VNN2: variants seen among roughly 807,000 people sequenced by gnomAD.
VNN2 encodes vanin 2, also known as pantetheine hydrolase VNN2.
A neutral mutation model predicts 43.0 loss-of-function variants in VNN2; 43 were observed. That is an observed-to-expected ratio of 1.00 (90% CI 0.78 to 1.29). VNN2 has a LOEUF of 1.29. Ranked by LOEUF, VNN2 falls within the 50% of genes most tolerant of loss-of-function variation. VNN2 has a pLI of 0.00. For synonymous variants in VNN2, 230 were observed against 224.3 expected (o/e 1.03, Z -0.23); for missense variants, 652 against 619.7 (o/e 1.05, Z -0.55).
chr6:132,759,640 G>A (rs1276169958), upstream of VNN2, among the ~76,000 whole-genome samples: 1 of 152,010 alleles, frequency 6.6e-6, no homozygotes, highest in East Asian at 1.9e-4. Context: ...ATTAAACAAA[G>A]TTTATTCTGT....
chr6:132,751,025 G>T, intron 5 of VNN2, 120 bp downstream of exon 5: 1 of 1,189,452 alleles, frequency 8.4e-7, no homozygotes, highest in Non-Finnish European at 1.2e-6. Flanking sequence ...GTGTGTGTGT[G>T]TTGCCATCAA....
At chr6:132,760,244 G>A (rs1257075958), upstream of VNN2, among the ~76,000 whole-genome samples, 1 of 151,994 alleles carries the variant, frequency 6.6e-6, no homozygotes, top group African/African-American at 2.4e-5. Context: ...GTATGATCAT[G>A]GCTCACTTCA....
chr6:132,762,280 A>C (rs893955712), upstream of VNN2, among the ~76,000 whole-genome samples: 4 of 152,182 alleles, frequency 2.6e-5, no homozygotes, highest in African/African-American at 9.7e-5. Context: ...CCTTCTCCTG[A>C]ATGCAAAATG....
intron 6 of VNN2, among the ~76,000 whole-genome samples, chr6:132,745,953 A>G (rs1263611727): frequency 6.6e-6 from 1 of 152,226 alleles, no homozygotes; most frequent in Non-Finnish European, 1.5e-5. Flanking sequence ...AGGAAAACAG[A>G]TGCTTTACAA....
intron 3 of VNN2, among the ~76,000 whole-genome samples, chr6:132,755,607 T>C (rs1165686074): frequency 6.6e-6 from 1 of 152,136 alleles, no homozygotes; most frequent in Non-Finnish European, 1.5e-5. Context: ...ATTCCTGGCC[T>C]CAAGTGATCC....
intron 3 of VNN2, among the ~76,000 whole-genome samples, chr6:132,755,073 G>A (rs1780369777): frequency 6.6e-6 from 1 of 152,128 alleles, no homozygotes; most frequent in Non-Finnish European, 1.5e-5. Context: ...GGGAGGCTGA[G>A]GCAGGAGGAT....
At chr6:132,755,501 A>C (rs1337386574) in intron 3 of VNN2, among the ~76,000 whole-genome samples, 4 of 150,322 alleles carry the variant, frequency 2.7e-5, no homozygotes, top group African/African-American at 9.8e-5. Context: ...CAGCTCCCAC[A>C]TAGCTGGGAC....
intron 3 of VNN2, 87 bp downstream of exon 3, chr6:132,755,756 C>G: frequency 7.5e-7 from 1 of 1,332,562 alleles, no homozygotes; most frequent in Admixed American, 2.4e-5. Context: ...AATATTGTAT[C>G]ATATAGGGAA....
rs1308165699 is a variant in VNN2, at chr6:132,752,610, T to A, written c.677A>T (p.Asp226Val). The part of the protein sequence containing the change: ...FYDPGVTLVK[D>V]FHVDTILFPT... ...AAACAGTATGGTGTCCACATGGAAA[T>A]CTTTCACCAGGGTAACACCAGGATC... Residue 226 changes from aspartate to valine, a missense_variant, in exon 4 of 7, where the codon GAT becomes GTT. By Grantham distance (152) the Asp-to-Val change is radical. Transcript: ENST00000326499. 1.2e-6 allele frequency: 2 copies of A among 1,614,130 alleles called. No individual in the cohort carries two copies. The highest frequency in any genetic ancestry group is 1.7e-6 in the Non-Finnish European group (2 of 1,180,026).
At chr6:132,748,924 C>T (rs1779885395) in intron 6 of VNN2, among the ~76,000 whole-genome samples, 2 of 151,920 alleles carry the variant, frequency 1.3e-5, no homozygotes, top group South Asian at 4.1e-4. Context: ...GAGCAAGACT[C>T]TGTTTAAAAA....
chr6:132,758,003 C>CTTCTTCTTCTTCTTCTTTTTT, upstream of VNN2: 2 of 137,324 alleles, frequency 1.5e-5, no homozygotes, highest in African/African-American at 3.2e-4. Flanking sequence ...CATCATTTTT[C>CTTCTTCTTCTTCTTCTTTTTT]TTCTTCTTCT....
At chr6:132,757,981 C>A, upstream of VNN2, 1 of 731,104 alleles carries the variant, frequency 1.4e-6, no homozygotes, top group Non-Finnish European at 1.9e-6. Flanking sequence ...AGTTACTGGC[C>A]TTTTACTTTA....
At chr6:132,756,111 T>A (rs866534335) in intron 2 of VNN2, 76 bp from the exon 3 acceptor site, 2 of 1,334,364 alleles carry the variant, frequency 1.5e-6, no homozygotes, top group South Asian at 1.6e-5. Context: ...CGATAGCAAC[T>A]GTAACCACTT....
At chr6:132,761,152 G>T (rs1780728924), upstream of VNN2, among the ~76,000 whole-genome samples, 1 of 152,094 alleles carries the variant, frequency 6.6e-6, no homozygotes, top group Non-Finnish European at 1.5e-5. Flanking sequence ...TCATAAAGAT[G>T]ATTGATCAGG....
Position 132,744,422 on chromosome 6 carries a change from C to CAAAGA in VNN2, c.1436_1440dup (p.Gly481SerfsTer22). The CAAAGA allele has an allele frequency of 6.2e-7, 1 of 1,613,460 alleles. No homozygotes were observed. Among genetic ancestry groups the CAAAGA allele is most frequent in the Non-Finnish European group, 8.5e-7 (1 of 1,179,762 alleles). Reference sequence around the variant, plus strand: ...AGTGAGTCCTTTGTGTACCACCTCCCAAAGAGTGACACTGTTAGTATAGGC... The same window carrying CAAAGA: ...AGTGAGTCCTTTGTGTACCACCTCCCAAAGAAAAGAGTGACACTGTTAGTATAGGC... On this transcript the variant is annotated frameshift_variant, in exon 7 of 7. Coordinates refer to ENST00000326499, the MANE Select transcript of VNN2 (RefSeq NM_004665.6). LOFTEE classifies it low-confidence loss of function (END_TRUNC).
intron 3 of VNN2, among the ~76,000 whole-genome samples, chr6:132,754,985 G>A (rs1780364750): frequency 6.6e-6 from 1 of 152,134 alleles, no homozygotes; most frequent in African/African-American, 2.4e-5. Flanking sequence ...GACAGCCTGG[G>A]CAATGTAGTG....
At chr6:132,749,934 T>C (rs1214744685) in intron 5 of VNN2, 69 bp from the exon 6 acceptor site, 1 of 1,428,160 alleles carries the variant, frequency 7.0e-7, no homozygotes, top group Non-Finnish European at 9.5e-7. Flanking sequence ...AAATGTTGCC[T>C]TAGTTTTTAA....
At position 132,749,808 on chromosome 6, in the gene VNN2, C is replaced by A; in HGVS notation, c.1258G>T (p.Glu420Ter). 6.2e-7 allele frequency: 1 copy of A among 1,614,096 alleles called. No homozygotes were observed. The highest frequency in any genetic ancestry group is 8.5e-7 in the Non-Finnish European group (1 of 1,179,988). ...TNLTTCGRPVETASTRFEMFS... is the reference protein window; with the variant it reads ...TNLTTCGRPV The stretch of plus-strand genomic sequence containing the variant: ...ATTTCAAATCTTGTAGAAGCAGTTT[C>A]TACTGGCCGTCCACAAGTTGTCAAA... The change falls in exon 6 of 7, where the codon GAA becomes TAA. Residue 420 changes from glutamate (E) to a stop codon, truncating the protein, a stop_gained. Coordinates refer to ENST00000326499, the MANE Select transcript of VNN2 (RefSeq NM_004665.6). LOFTEE classifies it high-confidence loss of function.
rs761618117 is a variant in VNN2 at position 132,749,772 on chromosome 6, T to G, written c.1294A>C (p.Ser432Arg). The G allele has an allele frequency of 1.2e-6, 2 of 1,614,098 alleles. No individual in the cohort carries two copies. The highest frequency in any genetic ancestry group is 3.3e-5 in the Admixed American group (2 of 60,004). The change falls in exon 6 of 7, where the codon AGT becomes CGT. Residue 432 changes from serine to arginine, a missense_variant. Ser to Arg is a moderately radical substitution (Grantham distance 110, BLOSUM62 -1). Transcript: ENST00000326499. ...ACATACTCTGTTCCAAATGTGCCACTGAGGGAGAACATTTCAAATCTTGTA... is the reference window on the plus strand; with the variant it reads ...ACATACTCTGTTCCAAATGTGCCACGGAGGGAGAACATTTCAAATCTTGTA... ...ASTRFEMFSL[S>R]GTFGTEYVFP...
Sources: gnomAD v4.1 joint callset for allele counts (sites outside exome capture counted in the v4.1 genomes callset) on GRCh38, gnomAD v4.1.1 for gene constraint, MANE v1.5 for transcripts, NCBI Gene and HGNC (gene_info 2026-07-23, HGNC 2026-07-21) for gene names.